The following SHANK2 variants were observed in gnomAD, a reference collection of about 807,000 sequenced individuals.
SHANK2 encodes the protein SH3 and multiple ankyrin repeat domains protein 2.
In SHANK2, 43 loss-of-function variants were observed where a neutral mutation model predicts 133.7. That is an observed-to-expected ratio of 0.32 (90% CI 0.25 to 0.41). The LOEUF is 0.41. SHANK2 is among the 10% of genes least tolerant of loss of function. The pLI is 1.00. For missense variants in SHANK2, 1,994 were observed against 2,235.8 expected (o/e 0.89, Z 2.18); for synonymous variants, 1,017 against 952.8 (o/e 1.07, Z -1.24).
chr11:70,730,706 G>T (rs1403208513), intron 14 of SHANK2, among the ~76,000 whole-genome samples: 1 of 152,162 alleles, frequency 6.6e-6, no homozygotes, highest in African/African-American at 2.4e-5. Context: ...CTGCGGCAGG[G>T]CCACCAACTC....
At chr11:70,778,117 G>A (rs1414236778) in intron 14 of SHANK2, among the ~76,000 whole-genome samples, 1 of 152,226 alleles carries the variant, frequency 6.6e-6, no homozygotes, top group South Asian at 2.1e-4. Context: ...GAGAAGCTGA[G>A]TAACTTGCCC....
intron 2 of SHANK2, among the ~76,000 whole-genome samples, chr11:71,157,193 G>C (rs1273189091): frequency 6.6e-6 from 1 of 152,136 alleles, no homozygotes; most frequent in Non-Finnish European, 1.5e-5. Flanking sequence ...CTATCTAAAA[G>C]AAATGGGCTC....
intron 14 of SHANK2, among the ~76,000 whole-genome samples, chr11:70,784,901 T>C (rs1430369821): frequency 6.6e-6 from 1 of 152,194 alleles, no homozygotes; most frequent in Admixed American, 6.5e-5. Context: ...CTCCCATCCA[T>C]GGACACAGGA....
At chr11:70,911,634 C>T (rs181674475) in intron 10 of SHANK2, among the ~76,000 whole-genome samples, 81 of 152,224 alleles carry the variant, frequency 5.3e-4, no homozygotes, top group Non-Finnish European at 1.0e-3. Context: ...GCAGTGATTC[C>T]AGGACTCAGG....
chr11:71,229,063 C>A (rs1210659168), intron 1 of SHANK2, among the ~76,000 whole-genome samples: 1 of 152,104 alleles, frequency 6.6e-6, no homozygotes, highest in Non-Finnish European at 1.5e-5. Flanking sequence ...AAACTCTCCC[C>A]AAAACAAGAT....
Position 71,058,931 on chromosome 11 carries a change from T to C in SHANK2, c.1030-2373A>G, listed in dbSNP as rs977674581. Among the ~76,000 whole-genome samples, 60 of 152,286 alleles carry C rather than the reference T, an allele frequency of 3.9e-4. 1 individual carries two copies. In the South Asian group the frequency reaches 0.012, roughly 31 times the overall value. ...ATCAGCAGATTTGAAAGAGAGCTGA[T>C]TGGTTGGGCGCGGTGGCTCACGTCT... is the stretch of plus-strand genomic sequence containing the variant. On this transcript the variant is annotated intron_variant, in intron 9 of 25. Coordinates refer to ENST00000601538, the MANE Select transcript of SHANK2 (RefSeq NM_012309.5).
chr11:70,526,298 G>C (rs984855746), intron 17 of SHANK2, among the ~76,000 whole-genome samples: 1 of 152,162 alleles, frequency 6.6e-6, no homozygotes, highest in Non-Finnish European at 1.5e-5. Context: ...TGTTCCACCA[G>C]CCATAACCAC....
In SHANK2 at chr11:70,513,163, G is replaced by GTT. The variant is rs146172564; in HGVS notation, c.2062-10234_2062-10233dup. On this transcript the variant is annotated intron_variant, in intron 17 of 25. Coordinates refer to ENST00000601538, the MANE Select transcript of SHANK2 (RefSeq NM_012309.5). ...TGGTATGAGTCACCTGCAGTTTTTT[G>GTT]TTTTTTTTTTTTAAATCCAGATCCT... 3.9e-3 allele frequency among the ~76,000 whole-genome samples: 562 copies of GTT among 144,126 alleles called. 4 individuals are homozygous for GTT. The highest frequency in any genetic ancestry group is 0.025 in the Middle Eastern group (7 of 280). 94.6% of individuals were successfully genotyped at this position (144,126 alleles called of 152,430 possible). A position where few individuals can be genotyped will look rare whatever the true frequency, so the allele number is the denominator to read the frequency against.
chr11:70,779,585 A>G (rs1352834614), intron 14 of SHANK2, among the ~76,000 whole-genome samples: 6 of 152,208 alleles, frequency 3.9e-5, no homozygotes, highest in Non-Finnish European at 7.3e-5. Context: ...GGACTGTACC[A>G]TGCCCTGTTC....
intron 17 of SHANK2, chr11:70,654,305 A>G (rs1445591346): frequency 6.6e-6 from 1 of 152,204 alleles, no homozygotes; most frequent in African/African-American, 2.4e-5. Flanking sequence ...AAACAGCACT[A>G]TCTGTGCCAA....
In SHANK2 at chr11:70,473,767, C is replaced by T. The variant is rs1555149426; in HGVS notation, c.4980-328G>A. On this transcript the variant is annotated intron_variant, in intron 25 of 25. Transcript: ENST00000601538. The surrounding 1 kb of genome is among the most constrained non-coding windows in gnomAD (Gnocchi z 5.9). ...TGGGACAGAGGGGCTGGGGGACCTG[C>T]CTGTGCTGGGGGGCAGGGCCGGGGG... 2 of 391,180 alleles carry T rather than the reference C, an allele frequency of 5.1e-6. No homozygotes were observed. The highest frequency in any genetic ancestry group is 9.7e-6 in the Non-Finnish European group (2 of 206,458). 24.2% of individuals were successfully genotyped at this position (391,180 alleles called of 1,614,324 possible).
At chr11:71,157,578 C>T (rs1952929421) in intron 2 of SHANK2, among the ~76,000 whole-genome samples, 1 of 152,162 alleles carries the variant, frequency 6.6e-6, no homozygotes, top group Non-Finnish European at 1.5e-5. Context: ...CTAGAAAAGC[C>T]AGAGAGAAGA....
chr11:71,188,793 C>T lies in SHANK2; in HGVS notation c.-13+35904G>A, dbSNP rs1349797536. Among the ~76,000 whole-genome samples the T allele has an allele frequency of 6.6e-6, 1 of 152,216 alleles. No homozygotes were observed. The highest frequency in any genetic ancestry group is 1.5e-5 in the Non-Finnish European group (1 of 68,040). ...GGCCTCACTGAGATAACTACGACCA[C>T]CTCCAAATGGAGCTAAGGCCTACGT... On this transcript the variant is annotated intron_variant, in intron 2 of 25. Transcript: ENST00000601538. This position sits in a 1 kb window ranked among gnomAD's most constrained non-coding sequence, Gnocchi z 4.6.
At chr11:70,685,971 C>G (rs907132664) in intron 15 of SHANK2, among the ~76,000 whole-genome samples, 38 of 152,054 alleles carry the variant, frequency 2.5e-4, no homozygotes, top group African/African-American at 8.9e-4. Flanking sequence ...ATGGGTCCAC[C>G]CATGCACTCA....
intron 10 of SHANK2, among the ~76,000 whole-genome samples, chr11:70,927,717 T>C (rs566779478): frequency 7.9e-5 from 12 of 152,302 alleles, no homozygotes; most frequent in Admixed American, 7.2e-4. Flanking sequence ...CTGTTATTTC[T>C]GGGTCTATTT....
At chr11:70,910,371 C>T (rs573363708) in intron 10 of SHANK2, among the ~76,000 whole-genome samples, 6 of 152,314 alleles carry the variant, frequency 3.9e-5, no homozygotes, top group East Asian at 3.9e-4. Context: ...TCTCCCCTCA[C>T]GTGGTCTGTT....
At chr11:71,214,166 G>A (rs1254031413) in intron 2 of SHANK2, among the ~76,000 whole-genome samples, 6 of 152,098 alleles carry the variant, frequency 3.9e-5, no homozygotes, top group African/African-American at 1.2e-4. Flanking sequence ...CCAAACCCTG[G>A]GGCTTCCCCT....
chr11:70,832,556 G>GATGA (rs371017766), intron 11 of SHANK2, among the ~76,000 whole-genome samples: 17 of 152,206 alleles, frequency 1.1e-4, no homozygotes, highest in South Asian at 2.1e-4. Flanking sequence ...GTGCTCTGGA[G>GATGA]ATGAATGAAT....
chr11:70,908,756 T>A (rs538877801), intron 10 of SHANK2, among the ~76,000 whole-genome samples: 8 of 152,208 alleles, frequency 5.3e-5, no homozygotes, highest in African/African-American at 1.7e-4. Context: ...CGGTGGGGGA[T>A]CATATATGAG....
Sources: allele counts gnomAD v4.1 joint callset (sites outside exome capture counted in the v4.1 genomes callset), GRCh38; gene constraint gnomAD v4.1.1; non-coding constraint Gnocchi (gnomAD v3.1); transcripts MANE v1.5; gene names NCBI Gene and HGNC (gene_info 2026-07-23, HGNC 2026-07-21).